Variants in ATP11A observed in about 807,000 individuals in gnomAD.
ATP11A encodes the protein phospholipid-transporting ATPase IH.
A neutral mutation model predicts 154.4 loss-of-function variants in ATP11A; 81 were observed. The ratio of observed to expected loss-of-function variants is 0.52; its 90% CI spans 0.44 to 0.63. ATP11A has a LOEUF of 0.63. Among genes scored for constraint, ATP11A ranks in the 30% least tolerant of loss-of-function variants. The probability of loss-of-function intolerance (pLI) is 0.00; values close to 1 mark genes in which losing one functional copy is unlikely to be tolerated. For missense variants in ATP11A, 1,316 were observed against 1,474.3 expected (o/e 0.89, Z 1.76); for synonymous variants, 623 against 585.9 (o/e 1.06, Z -0.91).
At chr13:112,865,830 C>T (rs770676944) in intron 25 of ATP11A, among the ~76,000 whole-genome samples, 18 of 152,238 alleles carry the variant, frequency 1.2e-4, no homozygotes, top group Non-Finnish European at 1.6e-4. Context: ...GGATTACAGG[C>T]GTGAGCCACC....
intron 2 of ATP11A, among the ~76,000 whole-genome samples, chr13:112,792,941 G>A (rs868417374): frequency 1.3e-5 from 2 of 152,286 alleles, no homozygotes; most frequent in Middle Eastern, 3.4e-3. Flanking sequence ...AATCCTTCTG[G>A]TAATTGGGGA....
intron 20 of ATP11A, chr13:112,856,343 T>A (rs2079923540): frequency 3.6e-6 from 1 of 279,196 alleles, no homozygotes; most frequent in Admixed American, 5.0e-5. Context: ...CTGGCTGACT[T>A]CTGTTAAAAA....
chr13:112,692,434 C>T (rs1885306417), intron 1 of ATP11A, among the ~76,000 whole-genome samples: 2 of 152,160 alleles, frequency 1.3e-5, no homozygotes, highest in African/African-American at 2.4e-5. Context: ...GACAGACAGA[C>T]GTCCAATTTT....
intron 1 of ATP11A, among the ~76,000 whole-genome samples, chr13:112,768,158 C>A (rs986174900): frequency 2.6e-5 from 4 of 152,258 alleles, no homozygotes; most frequent in African/African-American, 7.2e-5. Context: ...TCTTTTATTC[C>A]GGCCTCCCAA....
At chr13:112,877,352 C>A (rs964049626) in intron 28 of ATP11A, among the ~76,000 whole-genome samples, 1 of 152,250 alleles carries the variant, frequency 6.6e-6, no homozygotes, top group Admixed American at 6.5e-5. Context: ...TGGTGGTTTT[C>A]TCTAAGCACG....
intron 29 of ATP11A, chr13:112,880,628 G>C: frequency 5.4e-6 from 7 of 1,296,822 alleles, no homozygotes; most frequent in Non-Finnish European, 7.1e-6. Flanking sequence ...CGGCGGCCAA[G>C]GCGCAGTTAG....
At position 112,768,173 on chromosome 13, in the gene ATP11A, G is replaced by T. The variant is rs552272137; in HGVS notation, c.40-16962G>T. Among the ~76,000 whole-genome samples, 124 of 152,372 alleles carry T rather than the reference G, an allele frequency of 8.1e-4. 1 individual carries two copies. The highest frequency in any genetic ancestry group is 1.7e-3 in the Admixed American group (26 of 15,298). On this transcript the variant is annotated intron_variant, in intron 1 of 29. Coordinates refer to ENST00000375645, the MANE Select transcript of ATP11A (RefSeq NM_015205.3). ...TCTTTTATTCCGGCCTCCCAAGATT[G>T]CGTGGAGCCCGGCCACTGCCAGGGC...
intron 18 of ATP11A, among the ~76,000 whole-genome samples, chr13:112,853,853 A>G (rs190787440): frequency 1.3e-5 from 2 of 152,312 alleles, no homozygotes; most frequent in Non-Finnish European, 2.9e-5. Flanking sequence ...AGAACAGTTT[A>G]TACAAAACAA....
chr13:112,766,896 A>G (rs189903935), intron 1 of ATP11A, among the ~76,000 whole-genome samples: 25 of 5,082 alleles, frequency 4.9e-3, no homozygotes, highest in South Asian at 0.071. Context: ...GCCCCTGTGG[A>G]AAGGTGGGGA....
intron 17 of ATP11A, among the ~76,000 whole-genome samples, chr13:112,850,417 C>G (rs2079731508): frequency 6.6e-6 from 1 of 152,142 alleles, no homozygotes; most frequent in African/African-American, 2.4e-5. Context: ...CAGCCTCTGC[C>G]CCCATTCCTT....
intron 1 of ATP11A, among the ~76,000 whole-genome samples, chr13:112,780,044 T>G (rs539959618): frequency 2.6e-5 from 4 of 151,688 alleles, no homozygotes; most frequent in African/African-American, 9.7e-5. Flanking sequence ...ATGAGTGATA[T>G]CTCTTGATGC....
chr13:112,815,874 T>C (rs2078631946), intron 5 of ATP11A, among the ~76,000 whole-genome samples: 1 of 152,184 alleles, frequency 6.6e-6, no homozygotes, highest in Non-Finnish European at 1.5e-5. Context: ...TGTCTGTGTT[T>C]TTGCTGCGGA....
intron 4 of ATP11A, among the ~76,000 whole-genome samples, chr13:112,808,528 C>T (rs1279084066): frequency 1.3e-5 from 2 of 148,710 alleles, no homozygotes; most frequent in Non-Finnish European, 3.0e-5. Flanking sequence ...TCCTTGGGAA[C>T]AGCGCCTCTG....
Position 112,826,746 on chromosome 13 carries a change from T to C in ATP11A, c.1076T>C (p.Ile359Thr). The change falls in exon 12 of 30, where the codon ATC becomes ACC. Residue 359 changes from isoleucine to threonine, a missense_variant. Transcript: ENST00000375645. ...GCCTTCATGGTCCTCTTTAACTACA[T>C]CATCCCTGTGTCCATGTACGTCACG... is the stretch of plus-strand genomic sequence containing the variant. ...FLAFMVLFNY[I>T]IPVSMYVTVE... 6.2e-7 allele frequency: 1 copy of C among 1,614,190 alleles called. No individual in the cohort carries two copies. Among genetic ancestry groups the C allele is most frequent in the Non-Finnish European group, 8.5e-7 (1 of 1,180,030 alleles).
intron 1 of ATP11A, among the ~76,000 whole-genome samples, chr13:112,740,742 C>T (rs756864660): frequency 1.3e-5 from 2 of 152,178 alleles, no homozygotes; most frequent in Non-Finnish European, 2.9e-5. Context: ...ACAGATCCCA[C>T]GGGAGGACTT....
intron 1 of ATP11A, among the ~76,000 whole-genome samples, chr13:112,705,835 C>T (rs1222602157): frequency 6.6e-6 from 1 of 152,162 alleles, no homozygotes; most frequent in Non-Finnish European, 1.5e-5. Context: ...AGATGTATTG[C>T]TTTATTGAAC....
chr13:112,802,282 C>T (rs1466166432), intron 2 of ATP11A, among the ~76,000 whole-genome samples: 1 of 151,946 alleles, frequency 6.6e-6, no homozygotes, highest in Non-Finnish European at 1.5e-5. Flanking sequence ...GGAGGCAGAG[C>T]TTGCGGTGAG....
At chr13:112,740,559 C>T (rs1317418907) in intron 1 of ATP11A, among the ~76,000 whole-genome samples, 1 of 152,178 alleles carries the variant, frequency 6.6e-6, no homozygotes, top group Non-Finnish European at 1.5e-5. Context: ...GTGATGATGG[C>T]ATCCGATAAC....
chr13:112,842,252 C>T (rs946006), intron 16 of ATP11A, 24 bp from the exon 17 acceptor site: 2 of 1,546,292 alleles, frequency 1.3e-6, no homozygotes, highest in African/African-American at 1.4e-5. Context: ...TGTGATTAAA[C>T]TCCTCATTTT....
Sources: gnomAD v4.1 joint callset for allele counts (sites outside exome capture counted in the v4.1 genomes callset) on GRCh38, gnomAD v4.1.1 for gene constraint, MANE v1.5 for transcripts, NCBI Gene and HGNC (gene_info 2026-07-23, HGNC 2026-07-21) for gene names.